The following THADA variants were observed in gnomAD, a reference collection of about 807,000 sequenced individuals.
THADA encodes tRNA (32-2'-O)-methyltransferase regulator THADA.
THADA carries 213 observed loss-of-function variants against 219.8 expected under a neutral mutation model. The ratio of observed to expected loss-of-function variants is 0.97; its 90% CI spans 0.87 to 1.09. The LOEUF is 1.09. THADA is among the 50% of genes least tolerant of loss of function. The probability of loss-of-function intolerance (pLI) is 0.00; values close to 1 mark genes in which losing one functional copy is unlikely to be tolerated. For missense variants in THADA, 2,956 were observed against 2,311.3 expected (o/e 1.28, Z -5.72); for synonymous variants, 1,018 against 828.9 (o/e 1.23, Z -3.92).
chr2:43,432,065 C>A (rs1391302602), intron 26 of THADA, among the ~76,000 whole-genome samples: 1 of 124,276 alleles, frequency 8.0e-6, no homozygotes, highest in Non-Finnish European at 1.7e-5. Flanking sequence ...ACCGTTTTAG[C>A]CGGGATGGTC....
chr2:43,368,796 A>T (rs1051337496), intron 29 of THADA, among the ~76,000 whole-genome samples: 6 of 152,222 alleles, frequency 3.9e-5, no homozygotes, highest in Middle Eastern at 3.4e-3. Context: ...CCTCAACTCA[A>T]ACATAGTTTT....
chr2:43,503,729 T>G (rs993724144), intron 24 of THADA, among the ~76,000 whole-genome samples: 24 of 152,024 alleles, frequency 1.6e-4, no homozygotes, highest in African/African-American at 4.3e-4. Flanking sequence ...GAAAGCAAAT[T>G]ATCAACTAAA....
chr2:43,445,438 A>T (rs1681396450), intron 26 of THADA, among the ~76,000 whole-genome samples: 1 of 152,216 alleles, frequency 6.6e-6, no homozygotes, highest in African/African-American at 2.4e-5. Flanking sequence ...TTAACAAAAC[A>T]ATGAGTGATC....
At chr2:43,556,077 G>T (rs1418628400) in intron 17 of THADA, 1 of 734,424 alleles carries the variant, frequency 1.4e-6, no homozygotes, top group Non-Finnish European at 1.8e-6. Context: ...CACACTTTTG[G>T]TGGAGAAAGA....
chr2:43,480,659 T>A lies in THADA; in HGVS notation c.3836+4575A>T, dbSNP rs527767939. Among the ~76,000 whole-genome samples, 93 of 150,768 alleles carry A rather than the reference T, an allele frequency of 6.2e-4. 1 individual carries two copies. The South Asian group carries it at 0.011, about 19-fold the overall frequency. On this transcript the variant is annotated intron_variant, in intron 26 of 37. Transcript: ENST00000405975. ...CCCCATTTCTACTAAAAAAAAAAAA[T>A]TTCAAAAAATTAGCCAGGTGTGGTA...
chr2:43,502,068 G>T (rs1403546053), intron 24 of THADA, among the ~76,000 whole-genome samples: 1 of 152,112 alleles, frequency 6.6e-6, no homozygotes, highest in African/African-American at 2.4e-5. Flanking sequence ...AGAAGAAAAG[G>T]ATGTGTTATA....
At chr2:43,271,495 C>T (rs756195624) in intron 36 of THADA, among the ~76,000 whole-genome samples, 7 of 152,116 alleles carry the variant, frequency 4.6e-5, no homozygotes, top group Non-Finnish European at 7.3e-5. Context: ...AGATACATTC[C>T]TCAATTCATT....
At chr2:43,481,298 A>G (rs1686189062) in intron 26 of THADA, among the ~76,000 whole-genome samples, 4 of 152,256 alleles carry the variant, frequency 2.6e-5, no homozygotes, top group Admixed American at 2.6e-4. Context: ...TAGTCACTAG[A>G]AACAATTTTA....
intron 11 of THADA, among the ~76,000 whole-genome samples, chr2:43,573,295 C>A (rs1699498045): frequency 6.6e-6 from 1 of 152,092 alleles, no homozygotes; most frequent in African/African-American, 2.4e-5. Flanking sequence ...GGCAGCAAAT[C>A]AGGAAATAAA....
chr2:43,338,838 C>T (rs1325323137), intron 30 of THADA, among the ~76,000 whole-genome samples: 1 of 152,130 alleles, frequency 6.6e-6, no homozygotes, highest in Non-Finnish European at 1.5e-5. Flanking sequence ...TTTGAGACCC[C>T]ACTCTCAAGT....
intron 19 of THADA, 40 bp from the exon 20 acceptor site, chr2:43,549,408 C>T: frequency 6.5e-7 from 1 of 1,547,148 alleles, no homozygotes. Context: ...CCCAGTAACA[C>T]ATCACATGCC....
intron 31 of THADA, among the ~76,000 whole-genome samples, chr2:43,297,503 G>A (rs1217806621): frequency 9.7e-6 from 1 of 103,412 alleles, no homozygotes; most frequent in Non-Finnish European, 1.9e-5. Context: ...GGAGGTGGGC[G>A]GTCAGCCCCC....
intron 31 of THADA, 62 bp from the exon 32 acceptor site, chr2:43,293,275 T>G: frequency 6.5e-7 from 1 of 1,527,618 alleles, no homozygotes; most frequent in Non-Finnish European, 8.8e-7. Context: ...CAAAAGGACA[T>G]GAAAGAATGA....
chr2:43,309,559 C>T (rs924606751), intron 31 of THADA, among the ~76,000 whole-genome samples: 3 of 152,152 alleles, frequency 2.0e-5, no homozygotes, highest in Non-Finnish European at 2.9e-5. Flanking sequence ...AATATCATCT[C>T]AACAGGCACA....
chr2:43,505,159 A>G (rs1278738507), intron 24 of THADA, among the ~76,000 whole-genome samples: 1 of 152,248 alleles, frequency 6.6e-6, no homozygotes, highest in Non-Finnish European at 1.5e-5. Flanking sequence ...AGAAGCACAC[A>G]TGAAATTCTA....
At chr2:43,357,862 T>G (rs1370685721) in intron 29 of THADA, among the ~76,000 whole-genome samples, 1 of 152,252 alleles carries the variant, frequency 6.6e-6, no homozygotes, top group Non-Finnish European at 1.5e-5. Flanking sequence ...TATACTTCTG[T>G]AATTTAGAAA....
intron 26 of THADA, among the ~76,000 whole-genome samples, chr2:43,480,274 T>C (rs1188047652): frequency 2.0e-5 from 3 of 152,266 alleles, no homozygotes; most frequent in South Asian, 2.1e-4. Flanking sequence ...GTATAAAGGG[T>C]CTGGCATGGC....
At chr2:43,529,851 C>A (rs2103741330) in intron 21 of THADA, among the ~76,000 whole-genome samples, 1 of 152,264 alleles carries the variant, frequency 6.6e-6, no homozygotes, top group East Asian at 1.9e-4. Flanking sequence ...TTAAACATGT[C>A]ATCATGGGCA....
intron 36 of THADA, among the ~76,000 whole-genome samples, chr2:43,276,297 G>C (rs1464495216): frequency 6.6e-6 from 1 of 152,176 alleles, no homozygotes; most frequent in Non-Finnish European, 1.5e-5. Context: ...AGGGTGCTTT[G>C]GACATTGCAG....
Sources: allele counts gnomAD v4.1 joint callset (sites outside exome capture counted in the v4.1 genomes callset), GRCh38; gene constraint gnomAD v4.1.1; transcripts MANE v1.5; gene names NCBI Gene and HGNC (gene_info 2026-07-23, HGNC 2026-07-21).